Variants in EEA1 observed in about 807,000 individuals in gnomAD.
The protein encoded by EEA1 is early endosome antigen 1.
EEA1 carries 111 observed loss-of-function variants against 209.2 expected under a neutral mutation model. The observed-to-expected ratio is 0.53, with a 90% CI of 0.45 to 0.62. The LOEUF is 0.62. Among genes scored for constraint, EEA1 ranks in the 20% least tolerant of loss-of-function variants. The pLI is 0.00. For missense variants in EEA1, 1,343 were observed against 1,530.8 expected, an observed-to-expected ratio of 0.88 and a Z score of 2.05; for synonymous variants, 536 against 540.6, an observed-to-expected ratio of 0.99 and a Z score of 0.12.
At chr12:92,871,935 C>T (rs1592748874) in intron 2 of EEA1, among the ~76,000 whole-genome samples, 1 of 152,132 alleles carries the variant, frequency 6.6e-6, no homozygotes, top group Non-Finnish European at 1.5e-5. Flanking sequence ...AGCTGTAGTG[C>T]AATGGTGCCA....
rs904211002 is a variant in EEA1 at position 92,881,516 on chromosome 12, T to C, written c.117+10113A>G. Among the ~76,000 whole-genome samples, 12 of 151,632 alleles carry C rather than the reference T, an allele frequency of 7.9e-5. No homozygotes were observed. The South Asian group carries it at 1.3e-3, about 16-fold the overall frequency. Reference sequence around the variant, plus strand: ...AACATCTGGAGGTCAGTTGAAGAGGTAGGAAAAACACCAGAAGAGAGGTAT... The same window carrying C: ...AACATCTGGAGGTCAGTTGAAGAGGCAGGAAAAACACCAGAAGAGAGGTAT... On this transcript the variant is annotated intron_variant, in intron 2 of 28. Transcript: ENST00000322349.
chr12:92,835,391 GTTTC>G (rs1876872721), intron 10 of EEA1: 1 of 268,896 alleles, frequency 3.7e-6, no homozygotes, highest in African/African-American at 3.0e-5. Context: ...CCTTGAGATA[GTTTC>G]ACTCCTTTTT....
intron 17 of EEA1, 116 bp from the exon 18 acceptor site, chr12:92,809,272 T>C (rs1875369196): frequency 1.5e-6 from 1 of 685,440 alleles, no homozygotes. Flanking sequence ...AAAAAAAATT[T>C]ATTATAATAA....
intron 18 of EEA1, among the ~76,000 whole-genome samples, chr12:92,806,982 G>GGTTGGAGTGCAGTGGC (rs1180432251): frequency 6.6e-6 from 1 of 151,278 alleles, no homozygotes; most frequent in African/African-American, 2.4e-5. Context: ...CTGTCGCCCA[G>GGTTGGAGTGCAGTGGC]GTTGGAGTGC....
intron 2 of EEA1, among the ~76,000 whole-genome samples, chr12:92,868,567 C>T (rs1169586914): frequency 1.3e-5 from 2 of 152,128 alleles, no homozygotes; most frequent in Admixed American, 6.5e-5. Flanking sequence ...TATGCCATAC[C>T]TTCTTACAAC....
At chr12:92,921,572 G>A (rs1455068809) in intron 1 of EEA1, among the ~76,000 whole-genome samples, 1 of 119,692 alleles carries the variant, frequency 8.4e-6, no homozygotes, top group Non-Finnish European at 1.7e-5. Context: ...ACACAGGAAG[G>A]GGAATATCAC....
intron 13 of EEA1, among the ~76,000 whole-genome samples, chr12:92,825,248 G>A (rs894824253): frequency 2.4e-4 from 37 of 152,082 alleles, no homozygotes; most frequent in African/African-American, 9.7e-5. Context: ...TCAGGAGATC[G>A]AGACCATCCT....
chr12:92,919,467 A>G (rs1305004797), intron 1 of EEA1, among the ~76,000 whole-genome samples: 1 of 140,520 alleles, frequency 7.1e-6, no homozygotes, highest in Non-Finnish European at 1.5e-5. Context: ...AATGTAATCC[A>G]GCATATAAAC....
rs200924444 is a variant in EEA1 at position 92,780,370 on chromosome 12, C to T, written c.3378G>A (p.Leu1126=). The stretch of plus-strand genomic sequence containing the variant: ...TACATTTAATTTCTTCTATCTCTGC[C>T]AATTTAGACTTCTCATTTACCAGTT... ...EKELVNEKSK[L]AEIEEIKCRQ... Residue 1126 remains leucine (L), a synonymous_variant, in exon 24 of 29, where the codon TTG becomes TTA. Coordinates refer to ENST00000322349, the MANE Select transcript of EEA1 (RefSeq NM_003566.4). 1.4e-5 allele frequency: 22 copies of T among 1,580,542 alleles called. No individual in the cohort carries two copies. The East Asian group carries it at 4.3e-4, about 31-fold the overall frequency.
chr12:92,797,722 A>C (rs1171041322), intron 21 of EEA1, among the ~76,000 whole-genome samples: 2 of 152,198 alleles, frequency 1.3e-5, no homozygotes, highest in Non-Finnish European at 2.9e-5. Context: ...TGTGATAATT[A>C]CATGTTGACT....
intron 21 of EEA1, among the ~76,000 whole-genome samples, chr12:92,791,938 G>C (rs117449757): frequency 7.8e-4 from 119 of 152,296 alleles, no homozygotes; most frequent in Non-Finnish European, 6.5e-4. Context: ...AGATCACAGT[G>C]CCATCAAATT....
chr12:92,880,802 C>T (rs552940995), intron 2 of EEA1, among the ~76,000 whole-genome samples: 1 of 152,192 alleles, frequency 6.6e-6, no homozygotes, highest in South Asian at 2.1e-4. Flanking sequence ...ATTTCCAATT[C>T]CAGAAAAAAT....
chr12:92,885,962 G>A (rs1167737256), intron 2 of EEA1, among the ~76,000 whole-genome samples: 9 of 151,684 alleles, frequency 5.9e-5, no homozygotes, highest in Non-Finnish European at 1.3e-4. Flanking sequence ...ATTCACAATC[G>A]AAAAAAATTC....
chr12:92,845,689 C>T (rs915904624), intron 9 of EEA1, among the ~76,000 whole-genome samples: 18 of 152,228 alleles, frequency 1.2e-4, no homozygotes, highest in African/African-American at 4.3e-4. Flanking sequence ...TTTTCTTCCT[C>T]GCAGCCCTTA....
chr12:92,897,200 T>C (rs1879921355), intron 1 of EEA1, among the ~76,000 whole-genome samples: 1 of 152,188 alleles, frequency 6.6e-6, no homozygotes, highest in Admixed American at 6.5e-5. Flanking sequence ...GCTACTCCCT[T>C]TGACCTTTCC....
chr12:92,857,782 A>C (rs1217765182), intron 3 of EEA1, among the ~76,000 whole-genome samples: 1 of 152,220 alleles, frequency 6.6e-6, no homozygotes, highest in Non-Finnish European at 1.5e-5. Flanking sequence ...TACTAACAAT[A>C]AGCATCAATG....
chr12:92,776,219 T>G, intron 28 of EEA1, 86 bp from the exon 29 acceptor site: 1 of 1,298,202 alleles, frequency 7.7e-7, no homozygotes, highest in Non-Finnish European at 1.0e-6. Flanking sequence ...CCAACTACAT[T>G]ATGAAGGTAC....
At chr12:92,831,701 C>A (rs941136565) in intron 11 of EEA1, among the ~76,000 whole-genome samples, 2 of 148,660 alleles carry the variant, frequency 1.3e-5, no homozygotes, top group Non-Finnish European at 3.0e-5. Context: ...TACAAAATAG[C>A]CACAGCATTA....
In EEA1 at chr12:92,903,469, G is replaced by A. The variant is rs539576433; in HGVS notation, c.25-11748C>T. On this transcript the variant is annotated intron_variant, in intron 1 of 28. Transcript: ENST00000322349. ...AAAAATTAGCCAGGCGTGGTGGCAC[G>A]TGCCTGTAGTCCCAGCTACTCGAGA... Among the ~76,000 whole-genome samples, 8 of 151,580 alleles carry A rather than the reference G, an allele frequency of 5.3e-5. No individual in the cohort carries two copies. The South Asian group carries it at 6.3e-4, about 12-fold the overall frequency.
Sources: gnomAD v4.1 joint callset for allele counts (sites outside exome capture counted in the v4.1 genomes callset) on GRCh38, gnomAD v4.1.1 for gene constraint, MANE v1.5 for transcripts, NCBI Gene and HGNC (gene_info 2026-07-23, HGNC 2026-07-21) for gene names.